Variants in MGAT4C observed in about 807,000 individuals in gnomAD.
MGAT4C encodes the protein alpha-1,3-mannosyl-glycoprotein 4-beta-N-acetylglucosaminyltransferase C.
A neutral mutation model predicts 40.1 loss-of-function variants in MGAT4C; 19 were observed. The ratio of observed to expected loss-of-function variants is 0.47; its 90% CI spans 0.33 to 0.70. The LOEUF is 0.70. MGAT4C is among the 30% of genes least tolerant of loss of function. MGAT4C has a pLI of 0.02. For synonymous variants in MGAT4C, 181 were observed against 187.1 expected (o/e 0.97, Z 0.27); for missense variants, 491 against 563.2 (o/e 0.87, Z 1.30).
chr12:86,457,965 A>G (rs1343064151), intron 2 of MGAT4C, among the ~76,000 whole-genome samples: 1 of 152,006 alleles, frequency 6.6e-6, no homozygotes, highest in Non-Finnish European at 1.5e-5. Context: ...TTTTAATTTG[A>G]TAATTTTTAA....
chr12:86,256,988 A>G (rs997701614), upstream of MGAT4C, among the ~76,000 whole-genome samples: 2 of 152,234 alleles, frequency 1.3e-5, no homozygotes, highest in Non-Finnish European at 2.9e-5. Flanking sequence ...GTTTCATGTA[A>G]TAAACCTTAA....
chr12:86,480,177 C>A (rs1450507882), intron 2 of MGAT4C, among the ~76,000 whole-genome samples: 1 of 151,516 alleles, frequency 6.6e-6, no homozygotes, highest in Non-Finnish European at 1.5e-5. Context: ...TAAAGAAATA[C>A]TGCATTGTAA....
intron 1 of MGAT4C, among the ~76,000 whole-genome samples, chr12:86,100,486 C>G (rs1241864345): frequency 6.6e-6 from 1 of 150,970 alleles, no homozygotes; most frequent in East Asian, 1.9e-4. Flanking sequence ...CAATATTTTC[C>G]CCTTTTGCCT....
intron 1 of MGAT4C, among the ~76,000 whole-genome samples, chr12:86,833,267 AT>A (rs926868875): frequency 5.3e-5 from 8 of 151,846 alleles, no homozygotes; most frequent in Non-Finnish European, 1.5e-5. Flanking sequence ...TAATTTTTAA[AT>A]TTTTAACAGT....
intron 4 of MGAT4C, among the ~76,000 whole-genome samples, chr12:86,280,179 G>A (rs571118286): frequency 1.3e-5 from 2 of 151,980 alleles, no homozygotes; most frequent in African/African-American, 4.8e-5. Context: ...TGCAGATTAA[G>A]TTCAATTTTT....
At chr12:86,177,958 A>ACAAGG (rs1887651834) in intron 1 of MGAT4C, among the ~76,000 whole-genome samples, 1 of 152,034 alleles carries the variant, frequency 6.6e-6, no homozygotes, top group Non-Finnish European at 1.5e-5. Context: ...TTTTTTTGAG[A>ACAAGG]CAGAGTCTCA....
chr12:86,571,319 A>G (rs1224415825), intron 2 of MGAT4C, among the ~76,000 whole-genome samples: 1 of 152,182 alleles, frequency 6.6e-6, no homozygotes, highest in Non-Finnish European at 1.5e-5. Flanking sequence ...TCTACTGGGC[A>G]TAAGATAATT....
intron 3 of MGAT4C, among the ~76,000 whole-genome samples, chr12:86,424,005 T>G (rs541605210): frequency 3.9e-5 from 6 of 152,298 alleles, no homozygotes; most frequent in African/African-American, 1.4e-4. Context: ...AAGTTGTTAG[T>G]ATAGGTTAGC....
chr12:86,059,894 C>CACCG (rs1893771584), intron 1 of MGAT4C, among the ~76,000 whole-genome samples: 1 of 151,868 alleles, frequency 6.6e-6, no homozygotes, highest in Non-Finnish European at 1.5e-5. Flanking sequence ...CAAGTCAGCA[C>CACCG]ACTGAAACTA....
At chr12:86,300,946 T>C (rs1038896922) in intron 4 of MGAT4C, among the ~76,000 whole-genome samples, 2 of 152,096 alleles carry the variant, frequency 1.3e-5, no homozygotes, top group African/African-American at 4.8e-5. Flanking sequence ...TTCAAAACAG[T>C]GGGGAACTTG....
At chr12:86,269,024 ATAT>A (rs1315233940) in intron 4 of MGAT4C, among the ~76,000 whole-genome samples, 1 of 38,974 alleles carries the variant, frequency 2.6e-5, no homozygotes, top group African/African-American at 8.7e-5. Flanking sequence ...ATATATATAT[ATAT>A]ATATATATAT....
chr12:85,981,387 G>C (rs1375470352), intron 4 of MGAT4C, among the ~76,000 whole-genome samples: 1 of 152,072 alleles, frequency 6.6e-6, no homozygotes, highest in Non-Finnish European at 1.5e-5. Context: ...TATACAACAA[G>C]ATCATCGTTT....
intron 2 of MGAT4C, among the ~76,000 whole-genome samples, chr12:86,464,476 A>AGGC (rs1565779946): frequency 6.6e-6 from 1 of 152,130 alleles, no homozygotes; most frequent in East Asian, 1.9e-4. Context: ...GTAACCTTAT[A>AGGC]TTTGATTATA....
At chr12:86,047,918 G>A (rs1892548682) in intron 2 of MGAT4C, among the ~76,000 whole-genome samples, 1 of 145,128 alleles carries the variant, frequency 6.9e-6, no homozygotes, top group Non-Finnish European at 1.5e-5. Flanking sequence ...AACATTTTAT[G>A]TGTGTGCAAT....
intron 4 of MGAT4C, among the ~76,000 whole-genome samples, chr12:85,981,089 A>T (rs947898147): frequency 2.2e-4 from 34 of 152,176 alleles, no homozygotes; most frequent in African/African-American, 7.5e-4. Flanking sequence ...CACATTCAAA[A>T]AACTTTAATG....
chr12:86,076,662 G>A (rs4842551), intron 1 of MGAT4C, among the ~76,000 whole-genome samples: 2,524 of 152,154 alleles, frequency 0.017, 29 homozygotes, highest in Middle Eastern at 0.038. Context: ...TGAGGAAGAG[G>A]CAAAAGCGGA....
chr12:86,686,040 A>AT (rs60459725), intron 2 of MGAT4C, among the ~76,000 whole-genome samples: 54 of 147,946 alleles, frequency 3.6e-4, no homozygotes, highest in East Asian at 6.0e-4. Flanking sequence ...TTTTATTTTA[A>AT]TTTTTTTTTT....
At chr12:86,377,719 T>C (rs1955857095) in intron 3 of MGAT4C, among the ~76,000 whole-genome samples, 1 of 152,304 alleles carries the variant, frequency 6.6e-6, no homozygotes, top group African/African-American at 2.4e-5. Flanking sequence ...AAATTTGCCA[T>C]CTTAACAGTT....
intron 1 of MGAT4C, among the ~76,000 whole-genome samples, chr12:86,058,033 A>C (rs1893571116): frequency 3.3e-5 from 5 of 152,144 alleles, no homozygotes. Context: ...TTAATGATTA[A>C]ATGAACTTTT....
Sources: allele counts gnomAD v4.1 joint callset (sites outside exome capture counted in the v4.1 genomes callset), GRCh38; gene constraint gnomAD v4.1.1; transcripts MANE v1.5; gene names NCBI Gene and HGNC (gene_info 2026-07-23, HGNC 2026-07-21).